The following SYT1 variants were observed in gnomAD, a reference collection of about 807,000 sequenced individuals.
The protein encoded by SYT1 is synaptotagmin 1.
In SYT1, 8 loss-of-function variants were observed where a neutral mutation model predicts 44.8. The observed-to-expected ratio is 0.18, with a 90% CI of 0.10 to 0.32. The LOEUF (loss-of-function observed/expected upper bound fraction) is 0.32, where lower values mean the gene tolerates loss of function less well. SYT1 is among the 10% of genes least tolerant of loss of function. SYT1 has a pLI of 1.00. For missense variants in SYT1, 286 were observed against 509.3 expected (o/e 0.56, Z 4.22); for synonymous variants, 154 against 188.8 (o/e 0.82, Z 1.51).
At chr12:79,011,496 G>C (rs1427722555) in intron 2 of SYT1, among the ~76,000 whole-genome samples, 1 of 151,778 alleles carries the variant, frequency 6.6e-6, no homozygotes, top group African/African-American at 2.4e-5. Flanking sequence ...TAATATTAAG[G>C]AGAGAAAGTT....
intron 1 of SYT1, among the ~76,000 whole-genome samples, chr12:78,927,320 T>C (rs143897805): frequency 7.1e-4 from 108 of 152,288 alleles, no homozygotes; most frequent in Admixed American, 2.4e-3. Context: ...CAACCACACA[T>C]TGAACCCCAG....
chr12:79,038,175 A>G (rs1378174013), intron 2 of SYT1, among the ~76,000 whole-genome samples: 1 of 151,040 alleles, frequency 6.6e-6, no homozygotes, highest in Non-Finnish European at 1.5e-5. Flanking sequence ...ATATATATAT[A>G]TATACACACA....
At chr12:79,197,291 T>C (rs1421752520) in intron 3 of SYT1, among the ~76,000 whole-genome samples, 1 of 152,160 alleles carries the variant, frequency 6.6e-6, no homozygotes, top group Non-Finnish European at 1.5e-5. Context: ...ATGACGCAAC[T>C]TGGAGTAATA....
chr12:79,040,085 G>A (rs1420353998), intron 2 of SYT1, among the ~76,000 whole-genome samples: 2 of 152,042 alleles, frequency 1.3e-5, no homozygotes, highest in Admixed American at 6.6e-5. Context: ...ATAAACATAC[G>A]GGTGCATGTG....
intron 2 of SYT1, among the ~76,000 whole-genome samples, chr12:79,010,449 A>C (rs2137568957): frequency 6.6e-6 from 1 of 152,296 alleles, no homozygotes; most frequent in Non-Finnish European, 1.5e-5. Flanking sequence ...AGCTGTTTGT[A>C]GTAGTATTTC....
chr12:79,208,881 C>A (rs939517273), intron 3 of SYT1, among the ~76,000 whole-genome samples: 18 of 152,026 alleles, frequency 1.2e-4, no homozygotes, highest in Admixed American at 6.6e-4. Context: ...GAAATACTTC[C>A]TGGAAGGCAT....
At chr12:79,031,279 G>A (rs549193798) in intron 2 of SYT1, among the ~76,000 whole-genome samples, 13 of 150,742 alleles carry the variant, frequency 8.6e-5, no homozygotes, top group East Asian at 5.9e-4. Flanking sequence ...TTAAATAAAC[G>A]TAAATTTTAT....
At chr12:79,418,116 T>C (rs1448752195) in intron 9 of SYT1, among the ~76,000 whole-genome samples, 1 of 152,198 alleles carries the variant, frequency 6.6e-6, no homozygotes, top group East Asian at 1.9e-4. Flanking sequence ...ATGTCTTATT[T>C]AATTACTTGG....
chr12:79,003,065 A>G (rs537423384), intron 2 of SYT1, among the ~76,000 whole-genome samples: 3 of 152,182 alleles, frequency 2.0e-5, no homozygotes, highest in South Asian at 2.1e-4. Flanking sequence ...AAAGAATTCA[A>G]TGAGAAAGTA....
chr12:79,418,343 T>G (rs901409018), intron 9 of SYT1, among the ~76,000 whole-genome samples: 1 of 152,184 alleles, frequency 6.6e-6, no homozygotes, highest in Non-Finnish European at 1.5e-5. Context: ...TTACACTAAC[T>G]TTTTAGCTCT....
At chr12:79,100,742 A>T (rs1461456364) in intron 3 of SYT1, among the ~76,000 whole-genome samples, 3 of 152,166 alleles carry the variant, frequency 2.0e-5, no homozygotes, top group Non-Finnish European at 4.4e-5. Context: ...CATATGTCTT[A>T]GTTGACCTGT....
chr12:79,157,060 A>G (rs1054756679), intron 3 of SYT1, among the ~76,000 whole-genome samples: 1 of 152,082 alleles, frequency 6.6e-6, no homozygotes, highest in Non-Finnish European at 1.5e-5. Context: ...TGCAGAGAAG[A>G]GGAACTTGTA....
chr12:79,336,088 C>CT (rs777548835), intron 8 of SYT1, among the ~76,000 whole-genome samples: 16 of 152,212 alleles, frequency 1.1e-4, no homozygotes, highest in Non-Finnish European at 2.1e-4. Context: ...GTGCCTACTG[C>CT]TTTTTCTCCT....
chr12:79,021,464 TGAG>T (rs979657259), intron 2 of SYT1, among the ~76,000 whole-genome samples: 9 of 151,954 alleles, frequency 5.9e-5, no homozygotes, highest in Admixed American at 1.3e-4. Flanking sequence ...ATATAGATAG[TGAG>T]GAGATGAGCC....
intron 4 of SYT1, among the ~76,000 whole-genome samples, chr12:79,256,712 T>C (rs1038809884): frequency 1.3e-5 from 2 of 152,220 alleles, no homozygotes; most frequent in Non-Finnish European, 2.9e-5. Flanking sequence ...ATAGGAATGC[T>C]TCTAAAATTT....
chr12:79,335,471 G>A (rs1882050177), intron 8 of SYT1, among the ~76,000 whole-genome samples: 1 of 151,000 alleles, frequency 6.6e-6, no homozygotes, highest in Non-Finnish European at 1.5e-5. Context: ...AAAGGCAGTG[G>A]TTTCCCTTTC....
chr12:79,305,645 A>C (rs562214728), intron 8 of SYT1, among the ~76,000 whole-genome samples: 55 of 152,310 alleles, frequency 3.6e-4, no homozygotes, highest in African/African-American at 1.3e-3. Flanking sequence ...TAATGTGTCC[A>C]AGTTTACACG....
intron 3 of SYT1, among the ~76,000 whole-genome samples, chr12:79,078,411 A>G (rs1031254655): frequency 6.6e-6 from 1 of 152,198 alleles, no homozygotes; most frequent in African/African-American, 2.4e-5. Context: ...TTAGTGCCTG[A>G]CATACAGTAG....
At chr12:78,940,695 G>A (rs1380818363) in intron 1 of SYT1, among the ~76,000 whole-genome samples, 1 of 152,056 alleles carries the variant, frequency 6.6e-6, no homozygotes, top group African/African-American at 2.4e-5. Flanking sequence ...GTCACTTTAA[G>A]TAAAATTTAA....
Sources: allele counts gnomAD v4.1 joint callset (sites outside exome capture counted in the v4.1 genomes callset), GRCh38; gene constraint gnomAD v4.1.1; transcripts MANE v1.5; gene names NCBI Gene and HGNC (gene_info 2026-07-23, HGNC 2026-07-21).